Variants in ADGRL2 observed in about 807,000 individuals in gnomAD.
The protein encoded by ADGRL2 is calcium-independent alpha-latrotoxin receptor 2.
ADGRL2 carries 44 observed loss-of-function variants against 157.4 expected under a neutral mutation model. That is an observed-to-expected ratio of 0.28 (90% CI 0.22 to 0.36). The LOEUF is 0.36. Among genes scored for constraint, ADGRL2 ranks in the 10% least tolerant of loss-of-function variants. The probability of loss-of-function intolerance (pLI) is 1.00; values close to 1 mark genes in which losing one functional copy is unlikely to be tolerated. For synonymous variants in ADGRL2, 585 were observed against 624.7 expected (o/e 0.94, Z 0.95); for missense variants, 1,510 against 1,768.9 (o/e 0.85, Z 2.63).
At chr1:81,647,348 G>A (rs1160057524) in intron 3 of ADGRL2, among the ~76,000 whole-genome samples, 1 of 152,118 alleles carries the variant, frequency 6.6e-6, no homozygotes, top group Non-Finnish European at 1.5e-5. Context: ...AACACAGATT[G>A]AGCATCCCTA....
At chr1:81,648,044 A>G (rs914848382) in intron 3 of ADGRL2, among the ~76,000 whole-genome samples, 2 of 152,238 alleles carry the variant, frequency 1.3e-5, no homozygotes, top group Non-Finnish European at 2.9e-5. Flanking sequence ...AAATGCAAAG[A>G]AAACCAAATG....
intron 2 of ADGRL2, among the ~76,000 whole-genome samples, chr1:81,494,177 G>T (rs1336395611): frequency 6.6e-6 from 1 of 152,042 alleles, no homozygotes; most frequent in Non-Finnish European, 1.5e-5. Context: ...TCTCAGTAGG[G>T]GTGTCAGAAT....
intron 2 of ADGRL2, chr1:81,505,166 T>C (rs1431333236): frequency 2.0e-6 from 1 of 501,524 alleles, no homozygotes; most frequent in African/African-American, 1.9e-5. Context: ...CTGCGTCTTC[T>C]CTCAGCCCTC....
chr1:81,662,908 C>T (rs1205197579), intron 3 of ADGRL2, among the ~76,000 whole-genome samples: 1 of 152,064 alleles, frequency 6.6e-6, no homozygotes, highest in Non-Finnish European at 1.5e-5. Flanking sequence ...CCCCACCTTC[C>T]GCACTGCTTA....
intron 2 of ADGRL2, among the ~76,000 whole-genome samples, chr1:81,884,258 A>G (rs116523329): frequency 0.019 from 2,845 of 152,286 alleles, 78 homozygotes; most frequent in African/African-American, 0.065. Flanking sequence ...TACAGGCACG[A>G]GCCACCGCGC....
At chr1:81,537,631 A>ACT (rs2079775340) in intron 2 of ADGRL2, among the ~76,000 whole-genome samples, 1 of 151,892 alleles carries the variant, frequency 6.6e-6, no homozygotes. Flanking sequence ...TACTAAAAGT[A>ACT]CTGCTATTTT....
intron 3 of ADGRL2, among the ~76,000 whole-genome samples, chr1:81,692,979 C>G (rs1487409132): frequency 6.6e-6 from 1 of 152,140 alleles, no homozygotes; most frequent in African/African-American, 2.4e-5. Flanking sequence ...TCATTTTAGG[C>G]ATTTGATTTT....
intron 1 of ADGRL2, among the ~76,000 whole-genome samples, chr1:81,802,895 C>T (rs1367209505): frequency 6.6e-6 from 1 of 152,096 alleles, no homozygotes; most frequent in Non-Finnish European, 1.5e-5. Flanking sequence ...CAGATGTGGT[C>T]GGGCCGCCGC....
chr1:81,402,487 G>T (rs2076774725), intron 1 of ADGRL2, among the ~76,000 whole-genome samples: 2 of 151,960 alleles, frequency 1.3e-5, no homozygotes, highest in South Asian at 4.2e-4. Flanking sequence ...AACCCTCTCG[G>T]TATACATTAT....
chr1:81,392,816 G>T (rs1446144373), intron 1 of ADGRL2, among the ~76,000 whole-genome samples: 1 of 152,024 alleles, frequency 6.6e-6, no homozygotes, highest in African/African-American at 2.4e-5. Context: ...CACTCATCTA[G>T]TATAGACTGT....
chr1:81,702,604 C>T (rs1321331187), intron 1 of ADGRL2, among the ~76,000 whole-genome samples: 1 of 152,152 alleles, frequency 6.6e-6, no homozygotes, highest in Non-Finnish European at 1.5e-5. Context: ...TTCCTTATGG[C>T]TCTGTCATGG....
intron 1 of ADGRL2, among the ~76,000 whole-genome samples, chr1:81,824,257 T>A (rs535185793): frequency 9.5e-4 from 145 of 152,312 alleles, no homozygotes; most frequent in African/African-American, 3.4e-3. Flanking sequence ...ATAGAAAATT[T>A]CAATAAAAGA....
intron 2 of ADGRL2, among the ~76,000 whole-genome samples, chr1:81,904,811 G>T (rs1417867893): frequency 6.6e-6 from 1 of 152,068 alleles, no homozygotes; most frequent in Non-Finnish European, 1.5e-5. Flanking sequence ...GGAGGCTGAG[G>T]CAGGAGAATT....
At chr1:81,973,940 A>AT (rs1553211178) in intron 17 of ADGRL2, among the ~76,000 whole-genome samples, 5 of 151,460 alleles carry the variant, frequency 3.3e-5, no homozygotes, top group African/African-American at 4.9e-5. Context: ...GTGGGGAAAA[A>AT]ATATATATAT....
At chr1:81,560,936 T>A (rs1207024261) in intron 2 of ADGRL2, among the ~76,000 whole-genome samples, 2 of 152,166 alleles carry the variant, frequency 1.3e-5, no homozygotes, top group Admixed American at 1.3e-4. Context: ...GTTCCTTGAA[T>A]GCACCAGACA....
chr1:81,361,487 C>G (rs2075977766), intron 1 of ADGRL2, among the ~76,000 whole-genome samples: 1 of 151,780 alleles, frequency 6.6e-6, no homozygotes, highest in African/African-American at 2.4e-5. Flanking sequence ...TGGTCAAAGC[C>G]TTGAGGAAGT....
chr1:81,979,002 A>G (rs1259398083), intron 17 of ADGRL2, among the ~76,000 whole-genome samples: 2 of 151,756 alleles, frequency 1.3e-5, no homozygotes, highest in South Asian at 2.1e-4. Flanking sequence ...TTTTTGGAGC[A>G]TAAAAATGGA....
chr1:81,898,668 T>C (rs1291931711), intron 2 of ADGRL2, among the ~76,000 whole-genome samples: 5 of 152,198 alleles, frequency 3.3e-5, no homozygotes, highest in Non-Finnish European at 7.3e-5. Context: ...CTTAGTTGGC[T>C]CCATGAATAT....
chr1:81,482,422 G>T (rs2078409265), intron 2 of ADGRL2, among the ~76,000 whole-genome samples: 1 of 152,036 alleles, frequency 6.6e-6, no homozygotes, highest in Admixed American at 6.6e-5. Context: ...CTTTGCTCTT[G>T]TCCTAAACCC....
Sources: gnomAD v4.1 joint callset for allele counts (sites outside exome capture counted in the v4.1 genomes callset) on GRCh38, gnomAD v4.1.1 for gene constraint, MANE v1.5 for transcripts, NCBI Gene and HGNC (gene_info 2026-07-23, HGNC 2026-07-21) for gene names.